Variants in TAFA2 observed in about 807,000 individuals in gnomAD.
TAFA2 encodes the protein chemokine-like protein TAFA-2.
Under a neutral mutation model 18.8 loss-of-function variants are expected in TAFA2, and 7 were observed. The ratio of observed to expected loss-of-function variants is 0.37; its 90% confidence interval spans 0.21 to 0.70. The LOEUF (loss-of-function observed/expected upper bound fraction) is 0.70. Among genes scored for constraint, TAFA2 ranks in the 30% least tolerant of loss-of-function variants. The pLI is 0.53. For missense variants in TAFA2, 122 were observed against 158.1 expected (o/e 0.77, Z 1.23); for synonymous variants, 60 against 54.2 (o/e 1.11, Z -0.47).
chr12:61,820,483 A>G (rs1480577777), intron 2 of TAFA2, among the ~76,000 whole-genome samples: 1 of 151,898 alleles, frequency 6.6e-6, no homozygotes, highest in Non-Finnish European at 1.5e-5. Flanking sequence ...AATTCCCAAT[A>G]TTCAGAATAA....
intron 1 of TAFA2, among the ~76,000 whole-genome samples, chr12:62,128,296 A>G (rs1480056818): frequency 6.6e-6 from 1 of 152,076 alleles, no homozygotes; most frequent in Middle Eastern, 3.2e-3. Flanking sequence ...TAGAAGCCAC[A>G]TGCTTGTTAT....
intron 1 of TAFA2, among the ~76,000 whole-genome samples, chr12:61,933,728 A>G (rs553553702): frequency 7.2e-5 from 11 of 152,126 alleles, no homozygotes; most frequent in Non-Finnish European, 1.2e-4. Flanking sequence ...GTCTCTTTAT[A>G]TATCTAAGGA....
At chr12:62,212,726 CT>C (rs1293912650) in intron 1 of TAFA2, among the ~76,000 whole-genome samples, 2 of 152,166 alleles carry the variant, frequency 1.3e-5, no homozygotes, top group Non-Finnish European at 2.9e-5. Flanking sequence ...GAAAAATCCT[CT>C]TTTTTATTCA....
At chr12:61,891,835 G>C (rs61942652) in intron 1 of TAFA2, among the ~76,000 whole-genome samples, 192 of 152,218 alleles carry the variant, frequency 1.3e-3, no homozygotes, top group Non-Finnish European at 2.0e-3. Flanking sequence ...TCAGTCCACA[G>C]AAGCCTGATG....
chr12:61,714,116 A>G (rs1171378871), intron 4 of TAFA2, among the ~76,000 whole-genome samples: 1 of 152,182 alleles, frequency 6.6e-6, no homozygotes, highest in Non-Finnish European at 1.5e-5. Flanking sequence ...AGCATTTGCT[A>G]CCATGAATGC....
chr12:61,953,367 G>A (rs1380227447), intron 1 of TAFA2, among the ~76,000 whole-genome samples: 2 of 152,102 alleles, frequency 1.3e-5, no homozygotes, highest in African/African-American at 4.8e-5. Flanking sequence ...CAAAATAGGT[G>A]CAAGTAAATA....
chr12:61,905,374 C>A (rs956589111), intron 1 of TAFA2, among the ~76,000 whole-genome samples: 2 of 151,904 alleles, frequency 1.3e-5, no homozygotes, highest in African/African-American at 4.8e-5. Context: ...GTTCAATAAC[C>A]CAATGTTACT....
chr12:62,046,423 T>G (rs367798546), intron 1 of TAFA2, among the ~76,000 whole-genome samples: 10 of 152,120 alleles, frequency 6.6e-5, no homozygotes, highest in African/African-American at 2.2e-4. Context: ...TTAGTAAGAG[T>G]TATAAATCAC....
chr12:62,109,820 A>G (rs1054919616), intron 1 of TAFA2, among the ~76,000 whole-genome samples: 9 of 152,162 alleles, frequency 5.9e-5, no homozygotes, highest in Non-Finnish European at 1.0e-4. Context: ...ATTTTTGCAC[A>G]TTGATTTTGT....
intron 3 of TAFA2, among the ~76,000 whole-genome samples, 171 bp downstream of exon 3, chr12:61,754,701 C>T: frequency 6.6e-6 from 1 of 151,834 alleles, no homozygotes. Flanking sequence ...GACCTCTTTC[C>T]AGAGGATTTT....
intron 1 of TAFA2, among the ~76,000 whole-genome samples, chr12:61,868,566 C>A (rs1339186074): frequency 6.6e-6 from 1 of 152,038 alleles, no homozygotes; most frequent in Non-Finnish European, 1.5e-5. Context: ...TTCTAGGTTA[C>A]CCTTTTTTGT....
At chr12:61,876,853 A>G (rs1363142048) in intron 1 of TAFA2, among the ~76,000 whole-genome samples, 1 of 152,160 alleles carries the variant, frequency 6.6e-6, no homozygotes, top group Non-Finnish European at 1.5e-5. Flanking sequence ...TTTAAGCAAA[A>G]TTTTTGGACA....
chr12:62,158,253 T>A (rs143932846), intron 1 of TAFA2, among the ~76,000 whole-genome samples: 22 of 152,350 alleles, frequency 1.4e-4, no homozygotes, highest in African/African-American at 5.1e-4. Context: ...TATTTAAATA[T>A]GACAAAGTAA....
intron 1 of TAFA2, among the ~76,000 whole-genome samples, chr12:61,898,262 G>T (rs572335928): frequency 2.8e-4 from 42 of 152,302 alleles, no homozygotes; most frequent in African/African-American, 9.1e-4. Context: ...CATGGTGTGG[G>T]TTGTCAGTGG....
chr12:62,016,692 T>G (rs908199459), intron 1 of TAFA2, among the ~76,000 whole-genome samples: 4 of 152,090 alleles, frequency 2.6e-5, no homozygotes, highest in African/African-American at 9.7e-5. Flanking sequence ...GAATCAACCA[T>G]CCTACCAATC....
rs186525828 is a variant in TAFA2, at chr12:62,155,780, T to C, written c.-2+35479A>G. ...AACTGGATCTTCATCTCTCACCTTA[T>C]ACAAAAATCAACTCAAGATGGATTA... On this transcript the variant is annotated intron_variant, in intron 1 of 4. Transcript: ENST00000416284. 1.3e-3 allele frequency among the ~76,000 whole-genome samples: 204 copies of C among 152,310 alleles called. 1 individual carries two copies. The highest frequency in any genetic ancestry group is 2.2e-3 in the Non-Finnish European group (151 of 68,028).
chr12:62,011,207 T>C (rs1306310966), intron 1 of TAFA2, among the ~76,000 whole-genome samples: 3 of 152,162 alleles, frequency 2.0e-5, no homozygotes, highest in African/African-American at 4.8e-5. Context: ...GGAGCACCTC[T>C]GCCAGGCCGC....
At chr12:62,159,168 C>A (rs1048367726) in intron 1 of TAFA2, among the ~76,000 whole-genome samples, 3 of 152,138 alleles carry the variant, frequency 2.0e-5, no homozygotes, top group African/African-American at 7.2e-5. Flanking sequence ...CTAAAAGACA[C>A]GTTTTTAAGG....
At chr12:61,890,419 T>TG (rs1875578143) in intron 1 of TAFA2, 1 of 152,226 alleles carries the variant, frequency 6.6e-6, no homozygotes, top group Non-Finnish European at 1.5e-5. Context: ...GACTCTGAAA[T>TG]GCAGCTGTGG....
Sources: allele counts gnomAD v4.1 joint callset (sites outside exome capture counted in the v4.1 genomes callset), GRCh38; gene constraint gnomAD v4.1.1; transcripts MANE v1.5; gene names NCBI Gene and HGNC (gene_info 2026-07-23, HGNC 2026-07-21).